The following DOCK9 variants were observed in gnomAD, a reference collection of about 807,000 sequenced individuals.
DOCK9 encodes dedicator of cytokinesis protein 9.
A neutral mutation model predicts 263.3 loss-of-function variants in DOCK9; 89 were observed. That is an observed-to-expected ratio of 0.34 (90% CI 0.28 to 0.40). The LOEUF is 0.40. DOCK9 is among the 10% of genes least tolerant of loss of function. The probability of loss-of-function intolerance (pLI) is 1.00; values close to 1 mark genes in which losing one functional copy is unlikely to be tolerated. For synonymous variants in DOCK9, 976 were observed against 973.1 expected, an observed-to-expected ratio of 1.00 and a Z score of -0.06; for missense variants, 2,140 against 2,603.4, an observed-to-expected ratio of 0.82 and a Z score of 3.87.
At chr13:98,868,049 C>T (rs1281949740) in intron 28 of DOCK9, 38 bp from the exon 29 acceptor site, 1 of 1,595,106 alleles carries the variant, frequency 6.3e-7, no homozygotes, top group African/African-American at 1.3e-5. Flanking sequence ...ATTTCAGGTC[C>T]AAACATTTCG....
Position 99,057,802 on chromosome 13 carries a change from G to A in DOCK9, c.129+28421C>T, listed in dbSNP as rs116422523. Among the ~76,000 whole-genome samples, 1,011 of 152,212 alleles carry A rather than the reference G, an allele frequency of 6.6e-3. 14 individuals carry two copies. Among genetic ancestry groups the A allele is most frequent in the African/African-American group, 0.023 (940 of 41,536 alleles). ...ACAACACAGAGATCAGCAGGCACTCGCCTTGGACAGTAAACTAATTGACAC... is the reference window on the plus strand; with the variant it reads ...ACAACACAGAGATCAGCAGGCACTCACCTTGGACAGTAAACTAATTGACAC... On this transcript the variant is annotated intron_variant, in intron 1 of 32. Coordinates refer to the DOCK9 transcript ENST00000427887.
At chr13:98,946,348 A>C (rs1164809309) in intron 2 of DOCK9, among the ~76,000 whole-genome samples, 1 of 152,132 alleles carries the variant, frequency 6.6e-6, no homozygotes, top group Non-Finnish European at 1.5e-5. Flanking sequence ...CGATGGTTCC[A>C]ACAGGGGGAG....
intron 3 of DOCK9, among the ~76,000 whole-genome samples, chr13:98,928,915 C>T (rs925681578): frequency 6.6e-6 from 1 of 152,048 alleles, no homozygotes; most frequent in Admixed American, 6.5e-5. Flanking sequence ...GAAGTTACTT[C>T]TTCAGAAAGA....
In DOCK9 at chr13:98,902,461, A is replaced by G; in HGVS notation, c.1207T>C (p.Phe403Leu). The G allele has an allele frequency of 1.2e-6, 2 of 1,614,000 alleles. No homozygotes were observed. Among genetic ancestry groups the G allele is most frequent in the Non-Finnish European group, 1.7e-6 (2 of 1,179,880 alleles). The change falls in exon 12 of 53, where the codon TTT becomes CTT. Residue 403 changes from phenylalanine to leucine, a missense_variant. Coordinates refer to ENST00000682017, the MANE Select transcript of DOCK9 (RefSeq NM_001366683.2). ...ATCTTCCGGTTGTATTTTATGTCAA[A>G]CAGGGATAGAGTAACAAAGAAAGGT... is the stretch of plus-strand genomic sequence containing the variant. Reference protein sequence around the residue: ...VEPFFVTLSLFDIKYNRKISA... With the variant: ...VEPFFVTLSLLDIKYNRKISA...
chr13:99,024,274 G>A (rs1251824426), intron 1 of DOCK9, among the ~76,000 whole-genome samples: 1 of 152,142 alleles, frequency 6.6e-6, no homozygotes, highest in African/African-American at 2.4e-5. Flanking sequence ...TTAGACACTG[G>A]ATGAAGAACA....
At position 99,083,514 on chromosome 13, in the gene DOCK9, A is replaced by G. The variant is rs552114384; in HGVS notation, c.129+2709T>C. Among the ~76,000 whole-genome samples the G allele has an allele frequency of 3.2e-4, 48 of 152,362 alleles. 1 individual carries two copies. In the South Asian group the frequency reaches 9.5e-3, roughly 30 times the overall value. ...TAAGGCCTGGGACTCACAATCACAC[A>G]TGAAAAATAATAGGAAGAAGAGACA... On this transcript the variant is annotated intron_variant, in intron 1 of 32. Coordinates refer to the DOCK9 transcript ENST00000427887.
At chr13:98,809,505 AGAG>A in intron 46 of DOCK9, 40 bp from the exon 47 acceptor site, 2 of 1,499,344 alleles carry the variant, frequency 1.3e-6, no homozygotes, top group Non-Finnish European at 1.8e-6. Flanking sequence ...CCATGTGCAA[AGAG>A]GAGAATCGAT....
chr13:98,888,559 T>C lies in DOCK9; in HGVS notation c.1790-12A>G, dbSNP rs1341981114. On this transcript the variant is annotated splice_polypyrimidine_tract_variant and intron_variant, in intron 16 of 52. Transcript: ENST00000682017. ...TGAATTAACATAATCTGCAAAGATA[T>C]TCAAAATAACTCAAACTGAAGTAAA... The C allele has an allele frequency of 6.2e-7, 1 of 1,613,258 alleles. No individual in the cohort carries two copies.
intron 7 of DOCK9, 24 bp downstream of exon 7, chr13:98,920,930 T>C: frequency 2.5e-6 from 4 of 1,570,042 alleles, no homozygotes; most frequent in South Asian, 2.4e-5. Context: ...GAAAACATAA[T>C]GGTAAAACTC....
chr13:98,807,820 G>A lies in DOCK9; in HGVS notation c.5368-13C>T. 1 of 1,604,106 alleles carries A rather than the reference G, an allele frequency of 6.2e-7. No individual in the cohort carries two copies. The highest frequency in any genetic ancestry group is 8.5e-7 in the Non-Finnish European group (1 of 1,173,472). ...CTTCAAAGAATCCCTGTGACATAAA[G>A]CACAATTAGAGCTATCCCTGAACGT... On this transcript the variant is annotated splice_polypyrimidine_tract_variant and intron_variant, in intron 47 of 52. Coordinates refer to ENST00000682017, the MANE Select transcript of DOCK9 (RefSeq NM_001366683.2).
At chr13:98,930,809 T>C (rs2053796873) in intron 2 of DOCK9, among the ~76,000 whole-genome samples, 1 of 152,036 alleles carries the variant, frequency 6.6e-6, no homozygotes, top group African/African-American at 2.4e-5. Context: ...CACGCTCGGT[T>C]AATTTTGTAT....
rs1437855242 is a variant in DOCK9, at chr13:98,794,345, A to G, written c.*281T>C. On this transcript the variant is annotated 3_prime_UTR_variant, in exon 53 of 53. Coordinates refer to ENST00000682017, the MANE Select transcript of DOCK9 (RefSeq NM_001366683.2). ...GCCATCTATTCTAACACTACTCTGC[A>G]AGGAAGAATAAAATCTAAGTCCAGC... The G allele has an allele frequency of 7.0e-6, 3 of 431,010 alleles. No individual in the cohort carries two copies. Among genetic ancestry groups the G allele is most frequent in the African/African-American group, 6.1e-5 (3 of 49,140 alleles). The allele number at this position is 431,010 out of a possible 1,614,324, so 26.7% of individuals were successfully genotyped here.
intron 1 of DOCK9, among the ~76,000 whole-genome samples, chr13:99,064,154 G>A (rs913408071): frequency 7.9e-5 from 12 of 152,348 alleles, no homozygotes; most frequent in African/African-American, 2.9e-4. Context: ...TTAGGAATGA[G>A]TCACTGGAAC....
chr13:98,983,296 G>C (rs139138873), intron 1 of DOCK9, among the ~76,000 whole-genome samples: 1 of 152,184 alleles, frequency 6.6e-6, no homozygotes, highest in East Asian at 1.9e-4. Flanking sequence ...GCAGTATACT[G>C]TTGCTGGTCA....
At chr13:99,015,270 T>C (rs1337922584) in intron 1 of DOCK9, among the ~76,000 whole-genome samples, 1 of 152,202 alleles carries the variant, frequency 6.6e-6, no homozygotes. Context: ...ATACATGGCA[T>C]TCTCACACAT....
At chr13:98,911,466 T>C (rs572457580) in intron 9 of DOCK9, among the ~76,000 whole-genome samples, 1 of 152,182 alleles carries the variant, frequency 6.6e-6, no homozygotes, top group East Asian at 1.9e-4. Flanking sequence ...TAAATATACA[T>C]AATAGCACAC....
chr13:98,888,522 G>A lies in DOCK9; in HGVS notation c.1815C>T (p.Pro605=). The change falls in exon 17 of 53, where the codon CCC becomes CCT. Residue 605 remains proline (P), a synonymous_variant. Transcript: ENST00000682017. ...TACTGCAGGTTTCAAATTGTTTTGT[G>A]GGAATGTATGATGAATTAACATAAT... ...FPNYVNSSYI[P]TKQFETCSKT... 6.2e-7 allele frequency: 1 copy of A among 1,613,874 alleles called. No homozygotes were observed. The highest frequency in any genetic ancestry group is 8.5e-7 in the Non-Finnish European group (1 of 1,179,836).
chr13:98,965,421 A>C (rs370868802), intron 1 of DOCK9, among the ~76,000 whole-genome samples: 8 of 152,220 alleles, frequency 5.3e-5, no homozygotes, highest in East Asian at 3.8e-4. Context: ...AAAAGGTACT[A>C]CAGATTCAGT....
At chr13:99,046,203 G>C (rs2040424110) in intron 1 of DOCK9, among the ~76,000 whole-genome samples, 1 of 152,072 alleles carries the variant, frequency 6.6e-6, no homozygotes, top group Non-Finnish European at 1.5e-5. Flanking sequence ...TCCCAACACT[G>C]AGCCCAGGCT....
Sources: allele counts gnomAD v4.1 joint callset (sites outside exome capture counted in the v4.1 genomes callset), GRCh38; gene constraint gnomAD v4.1.1; transcripts MANE v1.5; gene names NCBI Gene and HGNC (gene_info 2026-07-23, HGNC 2026-07-21).